The following CNTN4 variants were observed in gnomAD, a reference collection of about 807,000 sequenced individuals.
CNTN4 encodes contactin-4.
In CNTN4, 77 loss-of-function variants were observed where a neutral mutation model predicts 122.5. That is an observed-to-expected ratio of 0.63 (90% confidence interval 0.52 to 0.76). The LOEUF (loss-of-function observed/expected upper bound fraction) is 0.76, where lower values mean the gene tolerates loss of function less well. Ranked by LOEUF, CNTN4 falls within the 30% of genes least tolerant of loss-of-function variation. The pLI is 0.00. For missense variants in CNTN4, 1,256 were observed against 1,259.1 expected, an observed-to-expected ratio of 1.00 and a Z score of 0.04; for synonymous variants, 512 against 447.0, an observed-to-expected ratio of 1.15 and a Z score of -1.83.
At chr3:2,651,708 C>CTG (rs2083367298) in intron 4 of CNTN4, among the ~76,000 whole-genome samples, 1 of 143,020 alleles carries the variant, frequency 7.0e-6, no homozygotes, top group Admixed American at 7.0e-5. Flanking sequence ...TCTTTTTTTT[C>CTG]TTTTTTTTTT....
intron 5 of CNTN4, among the ~76,000 whole-genome samples, chr3:2,741,308 A>G (rs1559452719): frequency 1.3e-5 from 2 of 152,230 alleles, no homozygotes; most frequent in Non-Finnish European, 2.9e-5. Context: ...AGGATGGCGA[A>G]GGTAGATGTC....
chr3:2,931,278 G>A (rs1368959461), intron 13 of CNTN4, among the ~76,000 whole-genome samples: 1 of 152,192 alleles, frequency 6.6e-6, no homozygotes, highest in African/African-American at 2.4e-5. Context: ...GACCTAGTAA[G>A]TAGAAGGATT....
intron 3 of CNTN4, among the ~76,000 whole-genome samples, chr3:2,508,127 A>G (rs913088888): frequency 1.3e-5 from 2 of 152,180 alleles, no homozygotes; most frequent in Non-Finnish European, 2.9e-5. Context: ...ATATGGCCAC[A>G]TATTTTCTTA....
In CNTN4 at chr3:3,043,115, G is replaced by C; in HGVS notation, c.2650G>C (p.Gly884Arg). ...HLAVKAYNSA[G>R]TGPSSATVNV... ...AGCTGTCAAGGCATATAATTCTGCTGGGACAGGCCCCTCTAGTGCAACAGT... is the reference window on the plus strand; with the variant it reads ...AGCTGTCAAGGCATATAATTCTGCTCGGACAGGCCCCTCTAGTGCAACAGT... Residue 884 changes from glycine (G) to arginine (R), a missense_variant, in exon 22 of 25, where the codon GGG becomes CGG. Coordinates refer to ENST00000418658, the MANE Select transcript of CNTN4 (RefSeq NM_175607.3). 1 of 1,614,146 alleles carries C rather than the reference G, an allele frequency of 6.2e-7. No individual in the cohort carries two copies. The highest frequency in any genetic ancestry group is 1.3e-5 in the African/African-American group (1 of 75,032).
Position 3,046,004 on chromosome 3 carries a change from G to A in CNTN4, c.2811+2300G>A, listed in dbSNP as rs938246566. On this transcript the variant is annotated intron_variant, in intron 23 of 24. Coordinates refer to ENST00000418658, the MANE Select transcript of CNTN4 (RefSeq NM_175607.3). ...AGGCACAAGCTTCAGTAGCCAATTC[G>A]ATCAGCTGGAAGAAAGGGTACCTGT... Among the ~76,000 whole-genome samples the A allele has an allele frequency of 5.3e-5, 8 of 152,268 alleles. 1 individual carries two copies. The highest frequency in any genetic ancestry group is 1.9e-4 in the East Asian group (1 of 5,182).
At chr3:2,889,365 C>T (rs1035442485) in intron 10 of CNTN4, among the ~76,000 whole-genome samples, 4 of 152,218 alleles carry the variant, frequency 2.6e-5, no homozygotes, top group Non-Finnish European at 4.4e-5. Context: ...AAAGGACTGA[C>T]TCTCCTCATG....
intron 4 of CNTN4, among the ~76,000 whole-genome samples, chr3:2,690,575 C>T (rs893684568): frequency 6.6e-6 from 1 of 152,050 alleles, no homozygotes; most frequent in African/African-American, 2.4e-5. Context: ...TTAACAATAT[C>T]CTCTTTATTT....
intron 2 of CNTN4, among the ~76,000 whole-genome samples, chr3:2,115,646 C>T (rs1342831744): frequency 2.0e-5 from 3 of 152,154 alleles, no homozygotes; most frequent in Non-Finnish European, 4.4e-5. Context: ...CAGAAAGGTA[C>T]CTTGTAAACT....
chr3:2,307,595 C>G (rs2042763121), intron 2 of CNTN4, among the ~76,000 whole-genome samples: 1 of 146,702 alleles, frequency 6.8e-6, no homozygotes, highest in Admixed American at 6.8e-5. Context: ...AAGGATTTTC[C>G]TTTCTAGTTC....
chr3:2,745,501 A>G (rs778613292), intron 5 of CNTN4, 21 bp from the exon 6 acceptor site: 7 of 1,589,184 alleles, frequency 4.4e-6, no homozygotes, highest in Admixed American at 3.3e-5. Flanking sequence ...GACTTTATCT[A>G]CTGGCATTTT....
intron 2 of CNTN4, among the ~76,000 whole-genome samples, chr3:2,150,690 T>A (rs2035458249): frequency 6.6e-6 from 1 of 152,178 alleles, no homozygotes; most frequent in Non-Finnish European, 1.5e-5. Context: ...AGAAGATTAT[T>A]TTTCTTGGTT....
At chr3:2,468,577 A>G (rs543956831) in intron 3 of CNTN4, among the ~76,000 whole-genome samples, 2 of 152,198 alleles carry the variant, frequency 1.3e-5, no homozygotes, top group African/African-American at 2.4e-5. Flanking sequence ...GTTAGGCTGC[A>G]GAATACCTAC....
At chr3:2,999,548 A>T (rs1695840939) in intron 14 of CNTN4, among the ~76,000 whole-genome samples, 1 of 152,072 alleles carries the variant, frequency 6.6e-6, no homozygotes, top group African/African-American at 2.4e-5. Flanking sequence ...GGGAGGGGCC[A>T]ATTGTCAGTT....
intron 6 of CNTN4, among the ~76,000 whole-genome samples, chr3:2,762,482 G>T (rs1369392543): frequency 6.6e-6 from 1 of 152,112 alleles, no homozygotes; most frequent in African/African-American, 2.4e-5. Flanking sequence ...TTCTGTTCCT[G>T]CGTTAGTTTG....
At chr3:2,308,028 C>G (rs1456712269) in intron 2 of CNTN4, among the ~76,000 whole-genome samples, 1 of 152,096 alleles carries the variant, frequency 6.6e-6, no homozygotes, top group Non-Finnish European at 1.5e-5. Context: ...GCCTTCTGCT[C>G]ATGGACTTTT....
chr3:2,483,235 T>C (rs1190422892), intron 3 of CNTN4, among the ~76,000 whole-genome samples: 1 of 152,218 alleles, frequency 6.6e-6, no homozygotes, highest in African/African-American at 2.4e-5. Flanking sequence ...ACTGTCCTAT[T>C]ACATTTTAGA....
intron 3 of CNTN4, among the ~76,000 whole-genome samples, chr3:2,459,009 C>G (rs1022357919): frequency 2.0e-5 from 3 of 152,148 alleles, no homozygotes; most frequent in African/African-American, 7.2e-5. Flanking sequence ...AGCATTCTTT[C>G]TCAGCTGAAG....
chr3:2,709,161 A>C lies in CNTN4; in HGVS notation c.56-27054A>C, dbSNP rs111546838. On this transcript the variant is annotated intron_variant, in intron 4 of 24. Transcript: ENST00000418658. The surrounding 1 kb of genome is among the most constrained non-coding windows in gnomAD (Gnocchi z 5.0). ...CTTACCATTTGATGAAAATCCAGCA[A>C]AAATGCATATTGCATTTACAACAGA... Among the ~76,000 whole-genome samples the C allele has an allele frequency of 6.6e-6, 1 of 152,222 alleles. No homozygotes were observed. The highest frequency in any genetic ancestry group is 2.4e-5 in the African/African-American group (1 of 41,456).
At chr3:2,744,850 C>T (rs1018093542) in intron 5 of CNTN4, among the ~76,000 whole-genome samples, 6 of 152,140 alleles carry the variant, frequency 3.9e-5, no homozygotes, top group Non-Finnish European at 8.8e-5. Context: ...GGTAGATAAA[C>T]AGAAGGACAA....
Sources: gnomAD v4.1 joint callset for allele counts (sites outside exome capture counted in the v4.1 genomes callset) on GRCh38, gnomAD v4.1.1 for gene constraint, Gnocchi (gnomAD v3.1) non-coding constraint, MANE v1.5 for transcripts, NCBI Gene and HGNC (gene_info 2026-07-23, HGNC 2026-07-21) for gene names.